The following DAOA variants were observed in gnomAD, a reference collection of about 807,000 sequenced individuals.
DAOA encodes D-amino acid oxidase regulator.
Under a neutral mutation model 16.4 loss-of-function variants are expected in DAOA, and 15 were observed. The observed-to-expected ratio is 0.91, with a 90% CI of 0.61 to 1.41. The LOEUF is 1.41. Ranked by LOEUF, DAOA falls within the 40% of genes most tolerant of loss-of-function variation. The probability of loss-of-function intolerance (pLI) is 0.00; values close to 1 mark genes in which losing one functional copy is unlikely to be tolerated. For synonymous variants in DAOA, 75 were observed against 59.1 expected (o/e 1.27, Z -1.23); for missense variants, 230 against 176.8 (o/e 1.30, Z -1.71).
chr13:105,481,816 ATC>A (rs887377681), intron 4 of DAOA, among the ~76,000 whole-genome samples: 6 of 151,970 alleles, frequency 3.9e-5, no homozygotes, highest in South Asian at 2.1e-4. Context: ...TCAGCTAACA[ATC>A]TCTCTCTCTC....
intron 3 of DAOA, among the ~76,000 whole-genome samples, chr13:105,470,055 T>C (rs1246474653): frequency 4.6e-5 from 7 of 151,132 alleles, no homozygotes; most frequent in Admixed American, 4.0e-4. Flanking sequence ...TTTGATCTAC[T>C]TTTTTTTTGT....
At chr13:105,476,777 A>T (rs1410706907) in intron 4 of DAOA, among the ~76,000 whole-genome samples, 2 of 151,888 alleles carry the variant, frequency 1.3e-5, no homozygotes, top group Non-Finnish European at 2.9e-5. Flanking sequence ...ACTCTAACTC[A>T]AAACGTTTGA....
chr13:105,478,039 G>A (rs907114101), intron 4 of DAOA, among the ~76,000 whole-genome samples: 6 of 152,132 alleles, frequency 3.9e-5, no homozygotes, highest in Non-Finnish European at 8.8e-5. Context: ...ACTCTGTAAT[G>A]ATAGTTAATA....
chr13:105,489,671 T>C (rs1878368813), intron 4 of DAOA: 2 of 953,950 alleles, frequency 2.1e-6, no homozygotes, highest in Non-Finnish European at 1.5e-6. Flanking sequence ...TTTTTCACAG[T>C]CTTTCTTTGA....
chr13:105,467,383 G>C (rs968267833), intron 3 of DAOA, among the ~76,000 whole-genome samples: 1 of 152,124 alleles, frequency 6.6e-6, no homozygotes, highest in Admixed American at 6.6e-5. Flanking sequence ...CTTATGAAGA[G>C]ATCGATATCT....
intron 4 of DAOA, among the ~76,000 whole-genome samples, chr13:105,480,883 C>G (rs1877695143): frequency 6.6e-6 from 1 of 152,104 alleles, no homozygotes. Context: ...TGAGACGGCA[C>G]CTGCCCACGG....
chr13:105,478,451 A>T (rs999529712), intron 4 of DAOA, among the ~76,000 whole-genome samples: 2 of 152,220 alleles, frequency 1.3e-5, no homozygotes, highest in Non-Finnish European at 2.9e-5. Flanking sequence ...AACTAGGACA[A>T]TAGCAGCTTT....
intron 4 of DAOA, 116 bp downstream of exon 4, chr13:105,472,801 CT>C (rs1877064600): frequency 9.4e-6 from 8 of 852,252 alleles, no homozygotes; most frequent in Non-Finnish European, 1.3e-5. Flanking sequence ...TCATGTTGAA[CT>C]TTTATCTAGC....
intron 5 of DAOA, 35 bp from the exon 6 acceptor site, chr13:105,490,877 G>A (rs907818274): frequency 2.1e-5 from 3 of 145,044 alleles, no homozygotes; most frequent in African/African-American, 8.6e-5. Flanking sequence ...AAAAAAAAAA[G>A]TTTTCTTATT....
chr13:105,488,094 G>A lies in DAOA; in HGVS notation c.282-1807G>A, dbSNP rs191760962. ...ACTGTAAACAGCTGTATTTTGGGAA[G>A]CTAACAGAGGTACTTCTAAAAATGT... On this transcript the variant is annotated intron_variant, in intron 4 of 5. Transcript: ENST00000375936. Among the ~76,000 whole-genome samples, 48 of 152,262 alleles carry A rather than the reference G, an allele frequency of 3.2e-4. 1 individual carries two copies. In the Middle Eastern group the frequency reaches 0.01, roughly 32 times the overall value.
intron 4 of DAOA, among the ~76,000 whole-genome samples, chr13:105,482,511 T>G (rs1277174463): frequency 6.6e-6 from 1 of 151,292 alleles, no homozygotes; most frequent in Non-Finnish European, 1.5e-5. Flanking sequence ...TGTAAGTTTT[T>G]TTTTTTTTTT....
chr13:105,485,566 A>T (rs1431480054), intron 4 of DAOA, among the ~76,000 whole-genome samples: 2 of 152,348 alleles, frequency 1.3e-5, no homozygotes, highest in East Asian at 3.9e-4. Flanking sequence ...CCCAAGAAAG[A>T]TATATTGCAG....
intron 3 of DAOA, 94 bp downstream of exon 3, chr13:105,467,235 A>G: frequency 7.6e-7 from 1 of 1,309,866 alleles, no homozygotes; most frequent in Non-Finnish European, 1.0e-6. Context: ...CATATTTTCA[A>G]GCGTAGACAA....
intron 4 of DAOA, among the ~76,000 whole-genome samples, chr13:105,480,875 A>G (rs1454295734): frequency 1.3e-5 from 2 of 152,156 alleles, no homozygotes; most frequent in Admixed American, 1.3e-4. Flanking sequence ...TCAGCTGATG[A>G]GACGGCACCT....
At chr13:105,481,346 G>A (rs754078888) in intron 4 of DAOA, among the ~76,000 whole-genome samples, 1 of 152,092 alleles carries the variant, frequency 6.6e-6, no homozygotes, top group Non-Finnish European at 1.5e-5. Flanking sequence ...ACTTGGTTCT[G>A]TCATTGTTCA....
At chr13:105,490,793 A>G (rs1177836795) in intron 5 of DAOA, 119 bp from the exon 6 acceptor site, 1 of 152,148 alleles carries the variant, frequency 6.6e-6, no homozygotes, top group Non-Finnish European at 1.5e-5. Context: ...GGTAAAGCAA[A>G]AAAAGTTAAA....
intron 4 of DAOA, chr13:105,474,913 T>C (rs762778132): frequency 6.6e-6 from 4 of 608,122 alleles, no homozygotes; most frequent in Admixed American, 6.3e-5. Context: ...TGATGATAAA[T>C]CTGAAATTAA....
At chr13:105,472,712 T>A in intron 4 of DAOA, 27 bp downstream of exon 4, 3 of 1,580,010 alleles carry the variant, frequency 1.9e-6, no homozygotes, top group Non-Finnish European at 2.6e-6. Flanking sequence ...TTTTAAACTT[T>A]TAACCAGGAG....
chr13:105,490,876 A>AG (rs1175809742), intron 5 of DAOA, 36 bp from the exon 6 acceptor site: 2 of 151,978 alleles, frequency 1.3e-5, no homozygotes, highest in Non-Finnish European at 2.9e-5. Flanking sequence ...TAAAAAAAAA[A>AG]GTTTTCTTAT....
Sources: allele counts gnomAD v4.1 joint callset (sites outside exome capture counted in the v4.1 genomes callset), GRCh38; gene constraint gnomAD v4.1.1; transcripts MANE v1.5; gene names NCBI Gene and HGNC (gene_info 2026-07-23, HGNC 2026-07-21).